PTPRD: variants seen among roughly 807,000 people sequenced by gnomAD.
PTPRD encodes protein tyrosine phosphatase receptor type D, also known as receptor-type tyrosine-protein phosphatase delta.
PTPRD carries 34 observed loss-of-function variants against 214.5 expected under a neutral mutation model. The observed-to-expected ratio is 0.16, with a 90% CI of 0.12 to 0.21. The LOEUF (loss-of-function observed/expected upper bound fraction) is 0.21. Ranked by LOEUF, PTPRD falls within the 10% of genes least tolerant of loss-of-function variation. The probability of loss-of-function intolerance (pLI) is 1.00; values close to 1 mark genes in which losing one functional copy is unlikely to be tolerated. For missense variants in PTPRD, 2,545 were observed against 2,398.7 expected (o/e 1.06, Z -1.27); for synonymous variants, 1,128 against 845.7 (o/e 1.33, Z -5.79).
chr9:9,409,117 A>C (rs1291636772), intron 8 of PTPRD, among the ~76,000 whole-genome samples: 3 of 151,984 alleles, frequency 2.0e-5, no homozygotes, highest in Admixed American at 6.6e-5. Flanking sequence ...TAATATTCTC[A>C]TATTATGCTT....
At chr9:10,482,890 C>T (rs989392852) in intron 2 of PTPRD, among the ~76,000 whole-genome samples, 2 of 152,032 alleles carry the variant, frequency 1.3e-5, no homozygotes, top group African/African-American at 4.8e-5. Flanking sequence ...GAATGCAATC[C>T]CTATTACAAT....
chr9:8,768,824 T>C (rs1028522259), intron 11 of PTPRD, among the ~76,000 whole-genome samples: 2 of 152,224 alleles, frequency 1.3e-5, no homozygotes, highest in African/African-American at 4.8e-5. Context: ...TGAAGTAACC[T>C]AGCTCTTCTT....
At chr9:9,313,520 T>C (rs1030226784) in intron 9 of PTPRD, among the ~76,000 whole-genome samples, 1 of 152,170 alleles carries the variant, frequency 6.6e-6, no homozygotes, top group African/African-American at 2.4e-5. Flanking sequence ...CATCTAATGA[T>C]GAAATCTAGC....
At chr9:9,826,803 G>A (rs1407984959) in intron 5 of PTPRD, among the ~76,000 whole-genome samples, 2 of 152,054 alleles carry the variant, frequency 1.3e-5, no homozygotes, top group South Asian at 2.1e-4. Flanking sequence ...AGCAACTTCA[G>A]CAAAGTCTCA....
intron 9 of PTPRD, among the ~76,000 whole-genome samples, chr9:9,386,162 G>C (rs10977711): frequency 0.012 from 1,900 of 152,188 alleles, 28 homozygotes; most frequent in East Asian, 0.073. Context: ...CAATGACAGC[G>C]TCCAATATAT....
chr9:10,450,898 A>C (rs1336670121), intron 2 of PTPRD, among the ~76,000 whole-genome samples: 2 of 151,988 alleles, frequency 1.3e-5, no homozygotes, highest in African/African-American at 4.8e-5. Context: ...TAGAATTTCA[A>C]CATTTTTAAT....
At position 10,215,748 on chromosome 9, in the gene PTPRD, G is replaced by C. The variant is rs1274034042; in HGVS notation, c.-545+125215C>G. On this transcript the variant is annotated intron_variant, in intron 3 of 45. Transcript: ENST00000381196. ...AACACTGGAAACAATCCAGTTGTCTGTCAAAACTGGAATTATTAATTAAAT... is the reference window on the plus strand; with the variant it reads ...AACACTGGAAACAATCCAGTTGTCTCTCAAAACTGGAATTATTAATTAAAT... Among the ~76,000 whole-genome samples, 3 of 151,992 alleles carry C rather than the reference G, an allele frequency of 2.0e-5. No individual in the cohort carries two copies. In the East Asian group the frequency reaches 5.8e-4, roughly 29 times the overall value.
chr9:10,384,506 C>A (rs1282951157), intron 2 of PTPRD, among the ~76,000 whole-genome samples: 1 of 151,202 alleles, frequency 6.6e-6, no homozygotes, highest in Non-Finnish European at 1.5e-5. Flanking sequence ...TATTGAAGTA[C>A]AATTGGAAGG....
intron 34 of PTPRD, among the ~76,000 whole-genome samples, chr9:8,437,496 A>T (rs990095482): frequency 1.3e-5 from 2 of 152,134 alleles, no homozygotes; most frequent in African/African-American, 4.8e-5. Context: ...CACTGACGAT[A>T]ATCACTGACG....
chr9:9,577,827 C>T (rs1434209844), intron 7 of PTPRD, among the ~76,000 whole-genome samples: 1 of 151,860 alleles, frequency 6.6e-6, no homozygotes, highest in Non-Finnish European at 1.5e-5. Context: ...GGGTGGATCA[C>T]CTGAGGTTGG....
At chr9:9,768,811 G>A (rs1230982004) in intron 5 of PTPRD, among the ~76,000 whole-genome samples, 1 of 152,190 alleles carries the variant, frequency 6.6e-6, no homozygotes, top group African/African-American at 2.4e-5. Flanking sequence ...ATTACTGCCA[G>A]GCTATGATGA....
At chr9:10,225,800 A>G (rs1211620966) in intron 3 of PTPRD, among the ~76,000 whole-genome samples, 3 of 152,116 alleles carry the variant, frequency 2.0e-5, no homozygotes, top group Non-Finnish European at 4.4e-5. Context: ...ACTAATGTTC[A>G]TGGTTCTCAA....
At chr9:10,192,568 A>G (rs562257736) in intron 3 of PTPRD, among the ~76,000 whole-genome samples, 18 of 152,030 alleles carry the variant, frequency 1.2e-4, no homozygotes, top group African/African-American at 4.1e-4. Context: ...GATGGTACTT[A>G]GATCAAAATG....
intron 10 of PTPRD, among the ~76,000 whole-genome samples, chr9:9,141,974 G>A (rs561168046): frequency 1.0e-3 from 156 of 152,306 alleles, no homozygotes; most frequent in African/African-American, 3.5e-3. Context: ...AAGGCATGTG[G>A]TTTGACTGCT....
At chr9:9,729,621 T>C (rs1051149426) in intron 7 of PTPRD, among the ~76,000 whole-genome samples, 1 of 152,146 alleles carries the variant, frequency 6.6e-6, no homozygotes, top group Non-Finnish European at 1.5e-5. Context: ...GCTCATAATT[T>C]TAAATAACTT....
intron 35 of PTPRD, among the ~76,000 whole-genome samples, chr9:8,410,261 T>C (rs1230628933): frequency 1.3e-5 from 2 of 152,204 alleles, no homozygotes; most frequent in Non-Finnish European, 2.9e-5. Context: ...TTGAATCCTA[T>C]GATGTTTTAG....
chr9:9,591,268 A>G (rs1473433571), intron 7 of PTPRD, among the ~76,000 whole-genome samples: 1 of 151,988 alleles, frequency 6.6e-6, no homozygotes, highest in African/African-American at 2.4e-5. Context: ...GAAGGCATGA[A>G]AGGGAATGCA....
chr9:10,568,744 T>C (rs1007659776), intron 2 of PTPRD, among the ~76,000 whole-genome samples: 3 of 152,158 alleles, frequency 2.0e-5, no homozygotes, highest in Non-Finnish European at 2.9e-5. Context: ...ACTGGATCCC[T>C]TCCTTACACT....
At chr9:9,622,943 T>C (rs753735441) in intron 7 of PTPRD, among the ~76,000 whole-genome samples, 12 of 152,178 alleles carry the variant, frequency 7.9e-5, no homozygotes, top group African/African-American at 2.9e-4. Flanking sequence ...ATCATTGAGA[T>C]AGGTTACCTA....
Sources: gnomAD v4.1 joint callset for allele counts (sites outside exome capture counted in the v4.1 genomes callset) on GRCh38, gnomAD v4.1.1 for gene constraint, MANE v1.5 for transcripts, NCBI Gene and HGNC (gene_info 2026-07-23, HGNC 2026-07-21) for gene names.